ZNF844: variants seen among roughly 807,000 people sequenced by gnomAD.
ZNF844 encodes zinc finger protein 844.
In ZNF844, 11 loss-of-function variants were observed where a neutral mutation model predicts 11.4. The observed-to-expected ratio is 0.97, with a 90% CI of 0.61 to 1.60. The LOEUF (loss-of-function observed/expected upper bound fraction) is 1.60, where lower values mean the gene tolerates loss of function less well. Among genes scored for constraint, ZNF844 ranks in the 40% most tolerant of loss-of-function variants. The pLI, the probability that ZNF844 is intolerant of heterozygous loss-of-function variation, is 0.00. For synonymous variants in ZNF844, 248 were observed against 260.3 expected (o/e 0.95, Z 0.46); for missense variants, 790 against 796.8 (o/e 0.99, Z 0.10).
chr19:12,072,959 A>G (rs893157737), intron 1 of ZNF844, among the ~76,000 whole-genome samples: 8 of 152,148 alleles, frequency 5.3e-5, no homozygotes, highest in East Asian at 1.9e-4. Flanking sequence ...TTCCAGATAT[A>G]TGACTTTCCA....
chr19:12,075,499 G>A lies in ZNF844; in HGVS notation c.379G>A (p.Ala127Thr). Residue 127 changes from alanine (A) to threonine (T), a missense_variant, in exon 4 of 4, where the codon GCA becomes ACA. Around this residue, in one of 3 missense-constraint regions of ZNF844, gnomAD observed 129 missense variants for 144.0 expected, o/e 0.90. Coordinates refer to ENST00000439326, the MANE Select transcript of ZNF844 (RefSeq NM_001136501.3). Reference sequence around the variant, plus strand: ...TAATAGGCACATTAGAGCTGACACTGCACACAAGCCGTCTGAGTATCAGGA... The same window carrying A: ...TAATAGGCACATTAGAGCTGACACTACACACAAGCCGTCTGAGTATCAGGA... The part of the protein sequence containing the change: ...SLNRHIRADT[A>T]HKPSEYQEYG... The A allele has an allele frequency of 6.2e-7, 1 of 1,613,648 alleles. No homozygotes were observed. Among genetic ancestry groups the A allele is most frequent in the Non-Finnish European group, 8.5e-7 (1 of 1,179,856 alleles).
chr19:12,072,777 G>A (rs1975765267), intron 1 of ZNF844, among the ~76,000 whole-genome samples: 1 of 152,002 alleles, frequency 6.6e-6, no homozygotes, highest in Non-Finnish European at 1.5e-5. Flanking sequence ...TAGAGACAGG[G>A]TTTCACCATG....
At chr19:12,075,050 T>C (rs1022765218) in intron 3 of ZNF844, among the ~76,000 whole-genome samples, 2 of 152,150 alleles carry the variant, frequency 1.3e-5, no homozygotes, top group Non-Finnish European at 2.9e-5. Flanking sequence ...CTGGATAATG[T>C]TGAAAGTGCA....
chr19:12,069,500 C>G (rs959862265), intron 1 of ZNF844, among the ~76,000 whole-genome samples: 2 of 150,854 alleles, frequency 1.3e-5, no homozygotes, highest in Admixed American at 6.6e-5. Flanking sequence ...TGACTTTATT[C>G]TAAAGGAGAA....
rs758209985 is a variant in ZNF844 at position 12,075,828 on chromosome 19, T to C, written c.708T>C (p.Tyr236=). 4.3e-6 allele frequency: 7 copies of C among 1,610,656 alleles called. No individual in the cohort carries two copies. Among genetic ancestry groups the C allele is most frequent in the Non-Finnish European group, 5.9e-6 (7 of 1,178,564 alleles). The stretch of plus-strand genomic sequence containing the variant: ...AACAATGTGGTAAAGCCTTTAGTTA[T>C]TCAACTTCCCTTCAAATACATGAAA... ...KCKQCGKAFS[Y]STSLQIHERT... The change falls in exon 4 of 4, where the codon TAT becomes TAC. Residue 236 remains tyrosine, a synonymous_variant. Coordinates refer to ENST00000439326, the MANE Select transcript of ZNF844 (RefSeq NM_001136501.3).
chr19:12,069,168 T>C (rs1193212719), intron 1 of ZNF844, among the ~76,000 whole-genome samples: 2 of 150,404 alleles, frequency 1.3e-5, no homozygotes, highest in African/African-American at 5.0e-5. Flanking sequence ...TTTCTTTTTA[T>C]TCTTTTATTC....
Position 12,077,067 on chromosome 19 carries a change from GCATT to G in ZNF844, c.1950_1953del (p.His650GlnfsTer8). On this transcript the variant is annotated frameshift_variant, in exon 4 of 4. Coordinates refer to ENST00000439326, the MANE Select transcript of ZNF844 (RefSeq NM_001136501.3). LOFTEE classifies it low-confidence loss of function (END_TRUNC). ...ATATTAATGTAAGGATTGTGGGAAAGCATTCAGTTTGCCTGGTTCCTTTCGTAGA... is the reference window on the plus strand; with the variant it reads ...ATATTAATGTAAGGATTGTGGGAAAGCAGTTTGCCTGGTTCCTTTCGTAGA... 1 of 1,597,044 alleles carries G rather than the reference GCATT, an allele frequency of 6.3e-7. No individual in the cohort carries two copies. Among genetic ancestry groups the G allele is most frequent in the African/African-American group, 1.3e-5 (1 of 74,572 alleles).
At chr19:12,073,393 C>T (rs544418062) in intron 1 of ZNF844, among the ~76,000 whole-genome samples, 25 of 152,004 alleles carry the variant, frequency 1.6e-4, no homozygotes, top group African/African-American at 5.1e-4. Context: ...TGATCTCAAG[C>T]GATCCGCACG....
intron 1 of ZNF844, among the ~76,000 whole-genome samples, chr19:12,073,233 C>A (rs538997171): frequency 6.6e-6 from 1 of 151,912 alleles, no homozygotes; most frequent in Non-Finnish European, 1.5e-5. Context: ...GATCTCAGCT[C>A]ACCGCAACCT....
At chr19:12,067,654 C>G (rs1043616487) in intron 1 of ZNF844, among the ~76,000 whole-genome samples, 9 of 147,116 alleles carry the variant, frequency 6.1e-5, no homozygotes, top group Non-Finnish European at 8.9e-5. Context: ...CGGTGGCTCA[C>G]GCCTGTAATC....
At chr19:12,074,332 AG>A in intron 2 of ZNF844, 28 bp from the exon 3 acceptor site, 1 of 1,502,732 alleles carries the variant, frequency 6.7e-7, no homozygotes. Context: ...ATTTTAATTC[AG>A]GATTCTTTTT....
rs770576968 is a variant in ZNF844 at position 12,075,629 on chromosome 19, A to G, written c.509A>G (p.Asp170Gly). The change falls in exon 4 of 4, where the codon GAT (aspartate) becomes GGT (glycine). Residue 170 changes from aspartate to glycine, a missense_variant. By Grantham distance (94) the Asp-to-Gly change is moderately conservative. Around this residue, in one of 3 missense-constraint regions of ZNF844, gnomAD observed 657 missense variants for 636.2 expected, o/e 1.03. Coordinates refer to ENST00000439326, the MANE Select transcript of ZNF844 (RefSeq NM_001136501.3). Reference protein sequence around the residue: ...EKAHTGEKLYDCKECGKTFIS... With the variant: ...EKAHTGEKLYGCKECGKTFIS... The stretch of plus-strand genomic sequence containing the variant: ...GCTCACACTGGAGAAAAACTCTATG[A>G]TTGTAAAGAATGTGGAAAAACCTTC... 4 of 1,612,920 alleles carry G rather than the reference A, an allele frequency of 2.5e-6. No homozygotes were observed. In the South Asian group the frequency reaches 4.4e-5, roughly 18 times the overall value.
At chr19:12,069,156 CT>C (rs1975723948) in intron 1 of ZNF844, among the ~76,000 whole-genome samples, 1 of 143,468 alleles carries the variant, frequency 7.0e-6, no homozygotes, top group South Asian at 2.3e-4. Context: ...TAAGGAATGA[CT>C]TTTCTTTTTA....
intron 1 of ZNF844, among the ~76,000 whole-genome samples, chr19:12,071,874 AT>A (rs1227580689): frequency 6.8e-6 from 1 of 146,146 alleles, no homozygotes; most frequent in Non-Finnish European, 1.5e-5. Context: ...AGAATCCTGA[AT>A]TTTTTTTCTT....
Position 12,077,560 on chromosome 19 carries a change from A to T in ZNF844, c.*439A>T. ...GGAGAGAAACCCTATGAATGTAAGCAGTGTGGTAAAGCCTTCAGATCTGCC... is the reference window on the plus strand; with the variant it reads ...GGAGAGAAACCCTATGAATGTAAGCTGTGTGGTAAAGCCTTCAGATCTGCC... On this transcript the variant is annotated 3_prime_UTR_variant, in exon 4 of 4. Transcript: ENST00000439326. The T allele has an allele frequency of 1.7e-6, 1 of 599,870 alleles. No homozygotes were observed. 37.2% of individuals were successfully genotyped at this position (599,870 alleles called of 1,614,324 possible).
In ZNF844 at chr19:12,066,525, GTCT is replaced by G. The variant is rs1369575188; in HGVS notation, c.3+1654_3+1656del. ...TTATCATTTAAACTATAACATAAATGTCTTCTTTTTTTTTTTTTTTTTTTTTTT... is the reference window on the plus strand; with the variant it reads ...TTATCATTTAAACTATAACATAAATGTCTTTTTTTTTTTTTTTTTTTTTTT... On this transcript the variant is annotated intron_variant, in intron 1 of 3. Coordinates refer to ENST00000439326, the MANE Select transcript of ZNF844 (RefSeq NM_001136501.3). Among the ~76,000 whole-genome samples the G allele has an allele frequency of 9.1e-5, 12 of 131,990 alleles. No homozygotes were observed. The South Asian group carries it at 1.2e-3, about 14-fold the overall frequency. 86.6% of individuals were successfully genotyped at this position (131,990 alleles called of 152,430 possible).
At chr19:12,067,563 C>T (rs1975702767) in intron 1 of ZNF844, among the ~76,000 whole-genome samples, 1 of 139,300 alleles carries the variant, frequency 7.2e-6, no homozygotes. Context: ...GCTGAGACCA[C>T]GCCATTGCAC....
intron 1 of ZNF844, chr19:12,070,056 G>C (rs1381421784): frequency 6.9e-6 from 1 of 145,248 alleles, no homozygotes; most frequent in Non-Finnish European, 1.5e-5. Flanking sequence ...CCAGGAGTTC[G>C]AGACCTGCCT....
rs61413798 is a variant in ZNF844 at position 12,080,346 on chromosome 19, C to CAAAAAAAAAAAAAAAAAA, written c.*3228_*3245dup. 1 of 154,744 alleles carries CAAAAAAAAAAAAAAAAAA rather than the reference C, an allele frequency of 6.5e-6. No homozygotes were observed. The highest frequency in any genetic ancestry group is 1.2e-5 in the Non-Finnish European group (1 of 82,838). 9.6% of individuals were successfully genotyped at this position (154,744 alleles called of 1,614,324 possible). Reference sequence around the variant, plus strand: ...GCGGCGACAGAGCAAGACTCCGTCTCAAAAAAAAAAAAAAAAAAAAGAGAA... The same window carrying CAAAAAAAAAAAAAAAAAA: ...GCGGCGACAGAGCAAGACTCCGTCTCAAAAAAAAAAAAAAAAAAAAAAAAAAAAAAAAAAAAAAGAGAA... On this transcript the variant is annotated 3_prime_UTR_variant, in exon 4 of 4. Transcript: ENST00000439326.
Sources: gnomAD v4.1 joint callset for allele counts (sites outside exome capture counted in the v4.1 genomes callset) on GRCh38, gnomAD v4.1.1 for gene constraint, gnomAD v4.1.1 regional missense constraint, MANE v1.5 for transcripts, NCBI Gene and HGNC (gene_info 2026-07-23, HGNC 2026-07-21) for gene names.